Variants in SH3RF3 observed in about 807,000 individuals in gnomAD.
SH3RF3 encodes the protein E3 ubiquitin-protein ligase SH3RF3.
Under a neutral mutation model 66.3 loss-of-function variants are expected in SH3RF3, and 29 were observed. The observed-to-expected ratio is 0.44, with a 90% CI of 0.33 to 0.60. The LOEUF is 0.60. Ranked by LOEUF, SH3RF3 falls within the 20% of genes least tolerant of loss-of-function variation. The pLI is 0.04. For synonymous variants in SH3RF3, 583 were observed against 532.0 expected (o/e 1.10, Z -1.32); for missense variants, 1,194 against 1,190.9 (o/e 1.00, Z -0.04).
intron 2 of SH3RF3, among the ~76,000 whole-genome samples, chr2:109,370,188 G>T (rs1425685792): frequency 1.4e-5 from 2 of 143,716 alleles, no homozygotes; most frequent in South Asian, 2.5e-4. Context: ...CATTGCTGTG[G>T]TGGTCTCTGT....
intron 4 of SH3RF3, among the ~76,000 whole-genome samples, chr2:109,410,175 G>T (rs1313606861): frequency 6.6e-6 from 1 of 152,212 alleles, no homozygotes; most frequent in South Asian, 2.1e-4. Flanking sequence ...GGGGAACCGC[G>T]GCCACAGCAC....
chr2:109,424,754 C>T (rs1676985268), intron 5 of SH3RF3, among the ~76,000 whole-genome samples: 2 of 152,164 alleles, frequency 1.3e-5, no homozygotes, highest in Admixed American at 1.3e-4. Flanking sequence ...CACGGACCCA[C>T]CGTTTCCCCC....
chr2:109,438,922 GTACA>G (rs1559084375), intron 7 of SH3RF3, among the ~76,000 whole-genome samples: 1 of 152,122 alleles, frequency 6.6e-6, no homozygotes, highest in African/African-American at 2.4e-5. Flanking sequence ...CCGGTGTTCT[GTACA>G]AATGTTTCCA....
chr2:109,263,089 A>G (rs929535122), intron 1 of SH3RF3, among the ~76,000 whole-genome samples: 10 of 151,850 alleles, frequency 6.6e-5, no homozygotes, highest in African/African-American at 2.2e-4. Context: ...TAGGTAATTC[A>G]CCCACCTCGG....
rs1197790835 is a variant in SH3RF3 at position 109,374,823 on chromosome 2, C to T, written c.945+3142C>T. ...GGGGTTCACCGAGGGACTCTCACCT[C>T]GCCTGGCCTCACCTGGCCTCAGCTT... On this transcript the variant is annotated intron_variant, in intron 3 of 9. Coordinates refer to ENST00000309415, the MANE Select transcript of SH3RF3 (RefSeq NM_001099289.3). 4.6e-5 allele frequency among the ~76,000 whole-genome samples: 7 copies of T among 152,236 alleles called. No individual in the cohort carries two copies. The East Asian group carries it at 7.7e-4, about 17-fold the overall frequency.
chr2:109,136,400 A>G (rs1676815493), intron 1 of SH3RF3, among the ~76,000 whole-genome samples: 1 of 152,180 alleles, frequency 6.6e-6, no homozygotes. Context: ...AATTAACTTT[A>G]AAAGAACAGG....
intron 9 of SH3RF3, among the ~76,000 whole-genome samples, chr2:109,491,854 C>G (rs952781878): frequency 2.6e-5 from 4 of 152,210 alleles, no homozygotes; most frequent in East Asian, 3.9e-4. Flanking sequence ...CTTGGCCGTT[C>G]GGGTGCCTGC....
chr2:109,455,280 T>A (rs997406966), intron 8 of SH3RF3, among the ~76,000 whole-genome samples: 3 of 152,028 alleles, frequency 2.0e-5, no homozygotes, highest in African/African-American at 7.2e-5. Flanking sequence ...GGGCCCTAGG[T>A]GTCTGCCTTC....
chr2:109,478,501 A>G (rs1367527894), intron 8 of SH3RF3, among the ~76,000 whole-genome samples: 2 of 152,208 alleles, frequency 1.3e-5, no homozygotes, highest in African/African-American at 4.8e-5. Context: ...CATGCTTTCC[A>G]TGAAAATGTA....
At position 109,129,351 on chromosome 2, in the gene SH3RF3, GTCCCC is replaced by G; in HGVS notation, c.-189_-185del. On this transcript the variant is annotated 5_prime_UTR_variant, in exon 1 of 10. Transcript: ENST00000309415. ...TGGCCGGTCCCCGCCACGCAGGCCG[GTCCCC>G]GCCACGCAGGCCGGTCGGTGAGCCA... 1.2e-6 allele frequency: 1 copy of G among 869,336 alleles called. No homozygotes were observed. Among genetic ancestry groups the G allele is most frequent in the Non-Finnish European group, 1.8e-6 (1 of 566,690 alleles). 53.9% of individuals were successfully genotyped at this position (869,336 alleles called of 1,614,324 possible). A position where few individuals can be genotyped will look rare whatever the true frequency, so the allele number is the denominator to read the frequency against.
At chr2:109,266,412 C>G (rs1315525189) in intron 1 of SH3RF3, among the ~76,000 whole-genome samples, 3 of 152,056 alleles carry the variant, frequency 2.0e-5, no homozygotes, top group East Asian at 1.9e-4. Flanking sequence ...TCCGATACAA[C>G]AAGACTCGCA....
At chr2:109,221,475 C>T (rs754032751) in intron 1 of SH3RF3, among the ~76,000 whole-genome samples, 4 of 151,014 alleles carry the variant, frequency 2.6e-5, no homozygotes, top group Non-Finnish European at 4.4e-5. Flanking sequence ...CCCAGCTACT[C>T]GGGAGGCTGA....
intron 2 of SH3RF3, among the ~76,000 whole-genome samples, chr2:109,351,563 C>T (rs777613355): frequency 5.3e-5 from 8 of 152,242 alleles, no homozygotes; most frequent in South Asian, 2.1e-4. Context: ...ACATTGTGGT[C>T]GCCTTGCCAG....
intron 1 of SH3RF3, among the ~76,000 whole-genome samples, chr2:109,156,634 T>C (rs955314026): frequency 1.3e-5 from 2 of 152,074 alleles, no homozygotes; most frequent in Non-Finnish European, 2.9e-5. Context: ...TTAGTAGAGA[T>C]GGGGTTTCAC....
At chr2:109,396,050 T>A (rs1270367673) in intron 3 of SH3RF3, among the ~76,000 whole-genome samples, 5 of 152,108 alleles carry the variant, frequency 3.3e-5, no homozygotes, top group African/African-American at 7.2e-5. Flanking sequence ...GCAGGTGTGT[T>A]TAGAACGTGC....
chr2:109,454,442 G>T (rs969183222), intron 8 of SH3RF3, among the ~76,000 whole-genome samples: 7 of 152,198 alleles, frequency 4.6e-5, no homozygotes, highest in African/African-American at 1.4e-4. Flanking sequence ...CACAGGCCAT[G>T]AGTGGTGCTC....
chr2:109,315,706 C>A (rs1161149515), intron 1 of SH3RF3, among the ~76,000 whole-genome samples: 1 of 152,210 alleles, frequency 6.6e-6, no homozygotes, highest in Non-Finnish European at 1.5e-5. Flanking sequence ...GCTTTCCCAC[C>A]CAGGGTTCCT....
chr2:109,470,382 C>T (rs897456928), intron 8 of SH3RF3, among the ~76,000 whole-genome samples: 1 of 152,218 alleles, frequency 6.6e-6, no homozygotes, highest in Non-Finnish European at 1.5e-5. Flanking sequence ...TGGATCTCAA[C>T]AAGTCCCTGG....
At chr2:109,265,295 CA>C (rs1680463178) in intron 1 of SH3RF3, among the ~76,000 whole-genome samples, 3 of 152,176 alleles carry the variant, frequency 2.0e-5, no homozygotes. Flanking sequence ...CTGTGTTCGC[CA>C]ACTGCTGGAG....
Sources: gnomAD v4.1 joint callset for allele counts (sites outside exome capture counted in the v4.1 genomes callset) on GRCh38, gnomAD v4.1.1 for gene constraint, MANE v1.5 for transcripts, NCBI Gene and HGNC (gene_info 2026-07-23, HGNC 2026-07-21) for gene names.